Variants in SLC15A2 observed in about 807,000 individuals in gnomAD.
The protein encoded by SLC15A2 is solute carrier family 15 member 2.
SLC15A2 carries 77 observed loss-of-function variants against 95.5 expected under a neutral mutation model. That is an observed-to-expected ratio of 0.81 (90% CI 0.67 to 0.97). SLC15A2 has a LOEUF of 0.97. Ranked by LOEUF, SLC15A2 falls within the 50% of genes least tolerant of loss-of-function variation. The pLI is 0.00. For synonymous variants in SLC15A2, 306 were observed against 306.9 expected (o/e 1.00, Z 0.03); for missense variants, 893 against 874.4 (o/e 1.02, Z -0.27).
Position 121,942,708 on chromosome 3 carries a change from A to G in SLC15A2, c.*1701A>G, listed in dbSNP as rs1295149098. On this transcript the variant is annotated 3_prime_UTR_variant, in exon 22 of 22. Transcript: ENST00000489711. Reference sequence around the variant, plus strand: ...TTCTATGACCATTGTTTCAAGAGACATTAACACAGTTCTGTAAATAGAAGT... The same window carrying G: ...TTCTATGACCATTGTTTCAAGAGACGTTAACACAGTTCTGTAAATAGAAGT... The G allele has an allele frequency of 1.3e-5, 2 of 152,266 alleles. No homozygotes were observed. The highest frequency in any genetic ancestry group is 4.8e-5 in the African/African-American group (2 of 41,468). 9.4% of individuals were successfully genotyped at this position (152,266 alleles called of 1,614,324 possible). A position where few individuals can be genotyped will look rare whatever the true frequency, so the allele number is the denominator to read the frequency against.
Position 121,922,301 on chromosome 3 carries a change from G to T in SLC15A2, c.779G>T (p.Trp260Leu). ...NIVAQVFKCIWFAISNRFKNR... is the reference protein window; with the variant it reads ...NIVAQVFKCILFAISNRFKNR... Reference sequence around the variant, plus strand: ...GTGGCTCAAGTTTTCAAATGTATCTGGGTAAGTCCATAAATTGTTTTCTTG... The same window carrying T: ...GTGGCTCAAGTTTTCAAATGTATCTTGGTAAGTCCATAAATTGTTTTCTTG... The change falls in exon 8 of 22, where the codon TGG becomes TTG. Residue 260 changes from tryptophan (W) to leucine (L), a missense_variant and splice_region_variant. By Grantham distance (61) the Trp-to-Leu change is moderately conservative. Coordinates refer to ENST00000489711, the MANE Select transcript of SLC15A2 (RefSeq NM_021082.4). 3.1e-6 allele frequency: 5 copies of T among 1,612,792 alleles called. No individual in the cohort carries two copies. The highest frequency in any genetic ancestry group is 4.2e-6 in the Non-Finnish European group (5 of 1,178,998).
At chr3:121,914,002 A>G (rs562824512) in intron 5 of SLC15A2, among the ~76,000 whole-genome samples, 2 of 147,242 alleles carry the variant, frequency 1.4e-5, no homozygotes, top group East Asian at 4.0e-4. Context: ...CCACCCTGAC[A>G]TAATGCCTAT....
chr3:121,911,367 A>G (rs571866761), intron 3 of SLC15A2, among the ~76,000 whole-genome samples: 6 of 152,198 alleles, frequency 3.9e-5, no homozygotes, highest in Middle Eastern at 3.2e-3. Context: ...CTAACACTAA[A>G]GAGTGAAGAA....
chr3:121,897,968 C>A (rs1008518138), intron 3 of SLC15A2, among the ~76,000 whole-genome samples: 12 of 152,016 alleles, frequency 7.9e-5, no homozygotes, highest in Non-Finnish European at 1.8e-4. Context: ...TTGAGACTAG[C>A]CTGGCTAACA....
chr3:121,928,715 A>G (rs924775308), intron 15 of SLC15A2, among the ~76,000 whole-genome samples, 160 bp downstream of exon 15: 7 of 152,214 alleles, frequency 4.6e-5, no homozygotes, highest in African/African-American at 1.7e-4. Flanking sequence ...TAGATATACC[A>G]TAGTTTATTT....
At chr3:121,921,018 C>T (rs575020588) in intron 7 of SLC15A2, among the ~76,000 whole-genome samples, 1 of 152,130 alleles carries the variant, frequency 6.6e-6, no homozygotes, top group South Asian at 2.1e-4. Context: ...TTTATAACTA[C>T]AAAGGTAATA....
intron 3 of SLC15A2, 102 bp downstream of exon 3, chr3:121,897,631 G>A (rs1364376149): frequency 1.7e-6 from 2 of 1,167,912 alleles, no homozygotes; most frequent in Non-Finnish European, 2.4e-6. Context: ...CCTATGTCAT[G>A]CGTGAAAAAT....
In SLC15A2 at chr3:121,924,370, C is replaced by G; in HGVS notation, c.1022C>G (p.Pro341Arg). 6.2e-7 allele frequency: 1 copy of G among 1,613,530 alleles called. No individual in the cohort carries two copies. The highest frequency in any genetic ancestry group is 8.5e-7 in the Non-Finnish European group (1 of 1,179,584). ...TTTCAGGGGTTTTTTGTGCTTCAGC[C>G]GGACCAGATGCAGGTATGTGACTCT... Reference protein sequence around the residue: ...NRNLGFFVLQPDQMQVLNPLL... With the variant: ...NRNLGFFVLQRDQMQVLNPLL... The change falls in exon 12 of 22, where the codon CCG becomes CGG. Residue 341 changes from proline to arginine, a missense_variant. Coordinates refer to ENST00000489711, the MANE Select transcript of SLC15A2 (RefSeq NM_021082.4).
intron 7 of SLC15A2, among the ~76,000 whole-genome samples, chr3:121,920,001 G>A (rs1185727356): frequency 6.6e-6 from 1 of 152,324 alleles, no homozygotes; most frequent in African/African-American, 2.4e-5. Context: ...AGTTGAAGGA[G>A]TTTCCATTTG....
intron 3 of SLC15A2, among the ~76,000 whole-genome samples, chr3:121,907,516 G>A (rs1232095655): frequency 6.6e-6 from 1 of 152,154 alleles, no homozygotes; most frequent in Non-Finnish European, 1.5e-5. Flanking sequence ...TTTGATGCTG[G>A]TGACCTACAG....
chr3:121,902,239 A>T (rs534078234), intron 3 of SLC15A2, among the ~76,000 whole-genome samples: 50 of 152,324 alleles, frequency 3.3e-4, no homozygotes, highest in African/African-American at 1.0e-3. Context: ...ATTTTTAGTC[A>T]TAGTTCCTAG....
Position 121,929,026 on chromosome 3 carries a change from G to A in SLC15A2, c.1386G>A (p.Gln462=), listed in dbSNP as rs1710177342. 1 of 1,613,896 alleles carries A rather than the reference G, an allele frequency of 6.2e-7. No individual in the cohort carries two copies. The highest frequency in any genetic ancestry group is 1.1e-5 in the South Asian group (1 of 91,060). The part of the protein sequence containing the change: ...YSKLHLKTKS[Q]DFHFHLKYHN... Reference sequence around the variant, plus strand: ...AACTGCACCTGAAAACAAAAAGCCAGGATTTTCACTTCCACCTGAAATATC... The same window carrying A: ...AACTGCACCTGAAAACAAAAAGCCAAGATTTTCACTTCCACCTGAAATATC... The change falls in exon 16 of 22, where the codon CAG becomes CAA. Residue 462 remains glutamine (Q), a synonymous_variant. Transcript: ENST00000489711.
chr3:121,903,990 T>C (rs1201395556), intron 3 of SLC15A2, among the ~76,000 whole-genome samples: 1 of 152,242 alleles, frequency 6.6e-6, no homozygotes, highest in Non-Finnish European at 1.5e-5. Flanking sequence ...GAGCATGGAA[T>C]GTTCTTCCAT....
intron 3 of SLC15A2, among the ~76,000 whole-genome samples, chr3:121,900,322 C>A (rs1709497534): frequency 6.6e-6 from 1 of 152,208 alleles, no homozygotes; most frequent in Non-Finnish European, 1.5e-5. Flanking sequence ...ACATCCACTG[C>A]ATTAGTTGCC....
intron 2 of SLC15A2, 72 bp from the exon 3 acceptor site, chr3:121,897,316 T>G: frequency 6.4e-7 from 1 of 1,558,538 alleles, no homozygotes; most frequent in Non-Finnish European, 8.7e-7. Context: ...ATTAAATATT[T>G]TTTTCCATAA....
intron 17 of SLC15A2, among the ~76,000 whole-genome samples, chr3:121,929,931 A>G (rs1444517240): frequency 6.6e-6 from 1 of 152,210 alleles, no homozygotes; most frequent in African/African-American, 2.4e-5. Flanking sequence ...TATGGCCACC[A>G]AGGTCAAGTG....
At chr3:121,921,307 A>G (rs1710000808) in intron 7 of SLC15A2, among the ~76,000 whole-genome samples, 1 of 152,212 alleles carries the variant, frequency 6.6e-6, no homozygotes, top group South Asian at 2.1e-4. Context: ...CACCTGTGTT[A>G]CCAGTAGTGT....
At chr3:121,909,441 A>G (rs1247166724) in intron 3 of SLC15A2, among the ~76,000 whole-genome samples, 3 of 152,218 alleles carry the variant, frequency 2.0e-5, no homozygotes, top group Non-Finnish European at 4.4e-5. Context: ...GGATTAGTGA[A>G]GTCAACCTAA....
intron 20 of SLC15A2, 139 bp from the exon 21 acceptor site, chr3:121,940,245 C>A: frequency 1.6e-6 from 1 of 612,958 alleles, no homozygotes. Context: ...ATTATTAACA[C>A]CCTCTGAATC....
Sources: allele counts gnomAD v4.1 joint callset (sites outside exome capture counted in the v4.1 genomes callset), GRCh38; gene constraint gnomAD v4.1.1; transcripts MANE v1.5; gene names NCBI Gene and HGNC (gene_info 2026-07-23, HGNC 2026-07-21).